Variants in FMN1 observed in about 807,000 individuals in gnomAD.
The protein encoded by FMN1 is formin-1.
In FMN1, 110 loss-of-function variants were observed where a neutral mutation model predicts 132.4. That is an observed-to-expected ratio of 0.83 (90% confidence interval 0.71 to 0.97). The LOEUF (loss-of-function observed/expected upper bound fraction) is 0.97. FMN1 is among the 50% of genes least tolerant of loss of function. FMN1 has a pLI of 0.00. For synonymous variants in FMN1, 722 were observed against 651.7 expected, an observed-to-expected ratio of 1.11 and a Z score of -1.64; for missense variants, 1,792 against 1,705.3, an observed-to-expected ratio of 1.05 and a Z score of -0.90.
At chr15:32,999,299 C>T (rs1374795359) in intron 7 of FMN1, among the ~76,000 whole-genome samples, 1 of 152,136 alleles carries the variant, frequency 6.6e-6, no homozygotes, top group East Asian at 1.9e-4. Flanking sequence ...ATGGAACAGG[C>T]TTGGGATTTA....
intron 4 of FMN1, chr15:33,150,365 A>T: frequency 1.0e-6 from 1 of 985,426 alleles, no homozygotes; most frequent in East Asian, 1.1e-4. Context: ...AATACTATAA[A>T]ACCAATCTCC....
chr15:32,950,302 G>T (rs1033816691), intron 9 of FMN1, among the ~76,000 whole-genome samples: 1 of 151,582 alleles, frequency 6.6e-6, no homozygotes, highest in African/African-American at 2.4e-5. Flanking sequence ...CCTACAGACA[G>T]AACTGCCATT....
chr15:32,813,033 CT>C (rs201257948), intron 17 of FMN1, among the ~76,000 whole-genome samples: 4 of 151,530 alleles, frequency 2.6e-5, no homozygotes, highest in African/African-American at 7.3e-5. Context: ...CATATACACG[CT>C]TTTTTTTTCC....
intron 10 of FMN1, among the ~76,000 whole-genome samples, chr15:32,915,346 T>G (rs1312944931): frequency 1.3e-5 from 2 of 152,240 alleles, no homozygotes; most frequent in African/African-American, 2.4e-5. Flanking sequence ...GATTAAGTCA[T>G]TCTTGCAAGC....
intron 7 of FMN1, among the ~76,000 whole-genome samples, chr15:32,989,836 G>A (rs1219990836): frequency 6.6e-6 from 1 of 152,134 alleles, no homozygotes; most frequent in Non-Finnish European, 1.5e-5. Context: ...GAAGCAGAGG[G>A]TGCAGGAGTT....
intron 5 of FMN1, among the ~76,000 whole-genome samples, chr15:33,069,534 T>A (rs975883740): frequency 5.9e-5 from 9 of 152,224 alleles, no homozygotes; most frequent in Non-Finnish European, 8.8e-5. Flanking sequence ...AGTCTTGCTT[T>A]ATCTGCAGGA....
At chr15:32,958,774 G>A (rs1482810578) in intron 9 of FMN1, among the ~76,000 whole-genome samples, 1 of 152,150 alleles carries the variant, frequency 6.6e-6, no homozygotes, top group Admixed American at 6.5e-5. Flanking sequence ...GGGTGCAGTG[G>A]CTCACGCCTG....
chr15:32,912,467 T>C (rs547797128), intron 10 of FMN1, among the ~76,000 whole-genome samples: 3 of 152,328 alleles, frequency 2.0e-5, no homozygotes. Context: ...AAGTGCAAAG[T>C]ACTTAATTAA....
intron 17 of FMN1, among the ~76,000 whole-genome samples, chr15:32,829,031 G>T (rs1253493132): frequency 6.6e-6 from 1 of 152,224 alleles, no homozygotes; most frequent in African/African-American, 2.4e-5. Flanking sequence ...TGGATGGCAA[G>T]AATGTCAGTA....
rs1188378920 is a variant in FMN1, at chr15:32,949,962, T to TAC, written c.3138+14144_3138+14145insGT. Among the ~76,000 whole-genome samples the TAC allele has an allele frequency of 1.2e-3, 53 of 42,606 alleles. 8 individuals are homozygous for TAC. The highest frequency in any genetic ancestry group is 1.8e-3 in the Non-Finnish European group (43 of 24,476). 28.0% of individuals were successfully genotyped at this position (42,606 alleles called of 152,430 possible). A position where few individuals can be genotyped will look rare whatever the true frequency, so the allele number is the denominator to read the frequency against. On this transcript the variant is annotated intron_variant, in intron 9 of 20. Transcript: ENST00000616417. Reference sequence around the variant, plus strand: ...AAGCATATATATATATATATATATATATACACACATATATATACACACACA... The same window carrying TAC: ...AAGCATATATATATATATATATATATACATACACACATATATATACACACACA...
At chr15:33,005,244 C>A (rs1012114828) in intron 7 of FMN1, among the ~76,000 whole-genome samples, 3 of 151,440 alleles carry the variant, frequency 2.0e-5, no homozygotes, top group African/African-American at 7.3e-5. Context: ...ATGTACCACC[C>A]AGATGGCAAT....
chr15:33,019,277 A>T (rs372875803), intron 6 of FMN1, among the ~76,000 whole-genome samples: 2 of 152,182 alleles, frequency 1.3e-5, no homozygotes, highest in African/African-American at 4.8e-5. Flanking sequence ...GTGTATTTAC[A>T]AACCCTGAGC....
chr15:33,015,056 G>T (rs1335292380), intron 6 of FMN1, among the ~76,000 whole-genome samples: 1 of 152,188 alleles, frequency 6.6e-6, no homozygotes, highest in Non-Finnish European at 1.5e-5. Flanking sequence ...AACGCCTCAG[G>T]TTGAACAGCT....
chr15:32,908,365 A>G (rs2060476680), intron 12 of FMN1, 125 bp downstream of exon 12: 1 of 650,334 alleles, frequency 1.5e-6, no homozygotes, highest in Non-Finnish European at 2.7e-6. Context: ...AACAGGTCAC[A>G]GGAATGACGG....
rs536494411 is a variant in FMN1 at position 32,771,557 on chromosome 15, G to C, written c.*2753C>G. 3.3e-5 allele frequency: 5 copies of C among 152,336 alleles called. No homozygotes were observed. The South Asian group carries it at 8.3e-4, about 25-fold the overall frequency. 9.4% of individuals were successfully genotyped at this position (152,336 alleles called of 1,614,324 possible). A position where few individuals can be genotyped will look rare whatever the true frequency, so the allele number is the denominator to read the frequency against. Reference sequence around the variant, plus strand: ...ATATTGTCTAAGAGGAGACAAAGTTGTTTGTAAGTTAAGGGTTCTTAGAGT... The same window carrying C: ...ATATTGTCTAAGAGGAGACAAAGTTCTTTGTAAGTTAAGGGTTCTTAGAGT... On this transcript the variant is annotated 3_prime_UTR_variant, in exon 21 of 21. Transcript: ENST00000616417.
chr15:33,101,462 G>GA (rs58693072), intron 4 of FMN1, among the ~76,000 whole-genome samples: 2,213 of 145,332 alleles, frequency 0.015, 57 homozygotes, highest in African/African-American at 0.049. Flanking sequence ...ATGAGCTTAA[G>GA]AAAAAAAAAA....
intron 17 of FMN1, among the ~76,000 whole-genome samples, chr15:32,808,811 T>C (rs1026240585): frequency 2.6e-5 from 4 of 152,186 alleles, no homozygotes; most frequent in Non-Finnish European, 5.9e-5. Flanking sequence ...TATCACAAAA[T>C]TGCACACAAC....
intron 9 of FMN1, among the ~76,000 whole-genome samples, chr15:32,938,294 C>G (rs958954846): frequency 6.6e-6 from 1 of 151,962 alleles, no homozygotes; most frequent in Non-Finnish European, 1.5e-5. Flanking sequence ...CTTGAGAGGT[C>G]GAGGTGGGTG....
intron 17 of FMN1, among the ~76,000 whole-genome samples, chr15:32,855,638 G>A (rs2059114273): frequency 6.6e-6 from 1 of 152,138 alleles, no homozygotes; most frequent in Admixed American, 6.5e-5. Flanking sequence ...ATAGTACCCT[G>A]ACATGCACAT....
Sources: allele counts gnomAD v4.1 joint callset (sites outside exome capture counted in the v4.1 genomes callset), GRCh38; gene constraint gnomAD v4.1.1; transcripts MANE v1.5; gene names NCBI Gene and HGNC (gene_info 2026-07-23, HGNC 2026-07-21).